PHF3: variants seen among roughly 807,000 people sequenced by gnomAD.
The protein encoded by PHF3 is PHD finger protein 3.
PHF3 carries 41 observed loss-of-function variants against 178.4 expected under a neutral mutation model. The observed-to-expected ratio is 0.23, with a 90% CI of 0.18 to 0.30. The LOEUF (loss-of-function observed/expected upper bound fraction) is 0.30. Ranked by LOEUF, PHF3 falls within the 10% of genes least tolerant of loss-of-function variation. The pLI is 1.00. For missense variants in PHF3, 2,346 were observed against 2,398.1 expected, an observed-to-expected ratio of 0.98 and a Z score of 0.45; for synonymous variants, 842 against 800.5, an observed-to-expected ratio of 1.05 and a Z score of -0.88.
At chr6:63,701,664 G>A (rs1767481173) in intron 9 of PHF3, among the ~76,000 whole-genome samples, 1 of 152,016 alleles carries the variant, frequency 6.6e-6, no homozygotes. Context: ...TCATCTAGAG[G>A]CCTTGATTTG....
intron 3 of PHF3, among the ~76,000 whole-genome samples, chr6:63,681,638 G>A (rs1305119474): frequency 1.3e-5 from 2 of 151,964 alleles, no homozygotes; most frequent in African/African-American, 4.8e-5. Context: ...TTCTATTCAT[G>A]TTTCATGGAT....
chr6:63,688,582 G>A (rs868417015), intron 4 of PHF3, among the ~76,000 whole-genome samples: 1 of 151,568 alleles, frequency 6.6e-6, no homozygotes, highest in Non-Finnish European at 1.5e-5. Flanking sequence ...TGATCCGCCC[G>A]CCTCAGCCTC....
chr6:63,712,657 A>G lies in PHF3; in HGVS notation c.5069A>G (p.His1690Arg). 2 of 1,613,966 alleles carry G rather than the reference A, an allele frequency of 1.2e-6. No homozygotes were observed. The highest frequency in any genetic ancestry group is 1.3e-5 in the African/African-American group (1 of 75,012). The change falls in exon 16 of 16, where the codon CAC (histidine) becomes CGC (arginine). Residue 1690 changes from histidine to arginine, a missense_variant. His to Arg is a conservative substitution (Grantham distance 29). This residue lies in a region of PHF3 where 839 missense variants were observed against 806.9 expected (regional missense o/e 1.04). Transcript: ENST00000262043. ...CCTGGCCTGTCACACAACAAGGAGC[A>G]CTTAACAGAACAAATCAATGTAGAG... The part of the protein sequence containing the change: ...MLPGLSHNKE[H>R]LTEQINVEEK...
At position 63,721,698 on chromosome 6, in the gene PHF3, A is replaced by G. The variant is rs1446306770; in HGVS notation, c.*7990A>G. On this transcript the variant is annotated 3_prime_UTR_variant, in exon 16 of 16. Transcript: ENST00000262043. ...TATTATATGCCAAGTACTTCCGTTT[A>G]TAGTTACTTTTTGGAGAGTTTCTAG... is the stretch of plus-strand genomic sequence containing the variant. 1.9e-6 allele frequency: 3 copies of G among 1,551,426 alleles called. No individual in the cohort carries two copies. Among genetic ancestry groups the G allele is most frequent in the East Asian group, 2.4e-5 (1 of 40,906 alleles).
chr6:63,685,087 A>G lies in PHF3; in HGVS notation c.1365A>G (p.Glu455=). ...DQNSKQLNAI[E]STKIESHETA... ...ATTCAAAACAGTTGAATGCTATAGAAAGTACTAAAATAGAGTCCCATGAAA... is the reference window on the plus strand; with the variant it reads ...ATTCAAAACAGTTGAATGCTATAGAGAGTACTAAAATAGAGTCCCATGAAA... The change falls in exon 4 of 16, where the codon GAA becomes GAG. Residue 455 remains glutamate, a synonymous_variant. Coordinates refer to ENST00000262043, the MANE Select transcript of PHF3 (RefSeq NM_001370348.2). 1 of 1,614,072 alleles carries G rather than the reference A, an allele frequency of 6.2e-7. No homozygotes were observed. Among genetic ancestry groups the G allele is most frequent in the Non-Finnish European group, 8.5e-7 (1 of 1,179,982 alleles).
In PHF3 at chr6:63,706,098, A is replaced by G. The variant is rs769292172; in HGVS notation, c.3437A>G (p.Lys1146Arg). Residue 1146 changes from lysine (K) to arginine (R), a missense_variant, in exon 12 of 16, where the codon AAA becomes AGA. Physicochemically the swap from Lys to Arg is conservative, Grantham distance 26. Around this residue, in one of 8 missense-constraint regions of PHF3, gnomAD observed 205 missense variants for 212.4 expected, o/e 0.97. Transcript: ENST00000262043. ...AAAGTTGTTGTAGGAGTAGCTCGCA[A>G]ACATTCAGACAATGAAGCAGAAAGT... ...KVKVVVGVAR[K>R]HSDNEAESIA... The G allele has an allele frequency of 1.2e-5, 19 of 1,613,890 alleles. No homozygotes were observed. The highest frequency in any genetic ancestry group is 1.1e-4 in the East Asian group (5 of 44,864).
chr6:63,645,865 A>G (rs561608915), intron 1 of PHF3, among the ~76,000 whole-genome samples: 1 of 152,192 alleles, frequency 6.6e-6, no homozygotes, highest in Admixed American at 6.5e-5. Flanking sequence ...TCTTGTTTTT[A>G]TCCTATAAGG....
rs182726824 is a variant in PHF3, at chr6:63,655,882, A to G, written c.244+9087A>G. On this transcript the variant is annotated intron_variant, in intron 2 of 15. Coordinates refer to ENST00000262043, the MANE Select transcript of PHF3 (RefSeq NM_001370348.2). ...GGTCTTGAACTCCTGGGCTCAAGCC[A>G]TTCTGCCGCCTTGTCCTCTCAAAGT... Among the ~76,000 whole-genome samples the G allele has an allele frequency of 6.4e-3, 972 of 152,264 alleles. 9 individuals carry two copies. The highest frequency in any genetic ancestry group is 0.022 in the African/African-American group (896 of 41,544).
chr6:63,663,455 C>G (rs552806386), intron 2 of PHF3, among the ~76,000 whole-genome samples: 5 of 152,138 alleles, frequency 3.3e-5, no homozygotes, highest in African/African-American at 1.2e-4. Context: ...CTAGATTTCT[C>G]CAAATCATAG....
chr6:63,702,469 T>C (rs1767515617), intron 9 of PHF3, 39 bp from the exon 10 acceptor site: 2 of 1,372,866 alleles, frequency 1.5e-6, no homozygotes, highest in African/African-American at 1.5e-5. Flanking sequence ...GAAATACATA[T>C]TTTAAATTTA....
At chr6:63,691,648 G>A (rs2149591442) in intron 4 of PHF3, 89 bp from the exon 5 acceptor site, 1 of 1,104,590 alleles carries the variant, frequency 9.1e-7, no homozygotes. Context: ...CAGAAAATCA[G>A]ATATTGAAAA....
intron 2 of PHF3, among the ~76,000 whole-genome samples, chr6:63,679,314 C>G (rs1766322240): frequency 6.6e-6 from 1 of 152,034 alleles, no homozygotes; most frequent in Non-Finnish European, 1.5e-5. Context: ...TTTTTACATT[C>G]TTTCTCCACC....
At chr6:63,670,863 C>T (rs1298494919) in intron 2 of PHF3, among the ~76,000 whole-genome samples, 2 of 152,064 alleles carry the variant, frequency 1.3e-5, no homozygotes, top group African/African-American at 4.8e-5. Flanking sequence ...ATAGTCTTTT[C>T]CTGGGCTACT....
Position 63,713,044 on chromosome 6 carries a change from G to C in PHF3, c.5456G>C (p.Gly1819Ala). Reference sequence around the variant, plus strand: ...AGCCCACCTGGATTTCCATTTCCAGGGCCTCCTAATTTTCCCCCACAAAGC... The same window carrying C: ...AGCCCACCTGGATTTCCATTTCCAGCGCCTCCTAATTTTCCCCCACAAAGC... ...KSSPPGFPFP[G>A]PPNFPPQSMF... The change falls in exon 16 of 16, where the codon GGG becomes GCG. Residue 1819 changes from glycine (G) to alanine (A), a missense_variant. Physicochemically the swap from Gly to Ala is moderately conservative, Grantham distance 60. Coordinates refer to ENST00000262043, the MANE Select transcript of PHF3 (RefSeq NM_001370348.2). The C allele has an allele frequency of 6.2e-7, 1 of 1,613,794 alleles. No individual in the cohort carries two copies. Among genetic ancestry groups the C allele is most frequent in the South Asian group, 1.1e-5 (1 of 91,060 alleles).
chr6:63,684,565 T>C lies in PHF3; in HGVS notation c.843T>C (p.Val281=). The C allele has an allele frequency of 1.9e-6, 3 of 1,614,022 alleles. No individual in the cohort carries two copies. Among genetic ancestry groups the C allele is most frequent in the Non-Finnish European group, 2.5e-6 (3 of 1,179,922 alleles). The change falls in exon 4 of 16, where the codon GTT becomes GTC. Residue 281 remains valine (V), a synonymous_variant. Coordinates refer to ENST00000262043, the MANE Select transcript of PHF3 (RefSeq NM_001370348.2). ...TGATGGAATGTAAAGCCAAGCCTGT[T>C]GGTAGTCCATTGTTTAAGTTTTCAG... is the stretch of plus-strand genomic sequence containing the variant. ...EALMECKAKP[V]GSPLFKFSDK...
intron 2 of PHF3, 135 bp downstream of exon 2, chr6:63,646,930 C>A: frequency 1.4e-5 from 8 of 559,106 alleles, no homozygotes; most frequent in Non-Finnish European, 2.1e-5. Flanking sequence ...AGGGTTATTT[C>A]CTTTGAATTT....
At chr6:63,692,223 A>C (rs569825217) in intron 5 of PHF3, among the ~76,000 whole-genome samples, 180 bp downstream of exon 5, 1 of 152,204 alleles carries the variant, frequency 6.6e-6, no homozygotes, top group Non-Finnish European at 1.5e-5. Flanking sequence ...GTGAAATCAG[A>C]TGGTGACTTT....
intron 3 of PHF3, among the ~76,000 whole-genome samples, 194 bp from the exon 4 acceptor site, chr6:63,683,935 T>C (rs1582070457): frequency 6.6e-6 from 1 of 152,190 alleles, no homozygotes; most frequent in East Asian, 1.9e-4. Context: ...CTTTGATAAA[T>C]ATAAAATTTG....
rs1331963027 is a variant in PHF3, at chr6:63,636,064, CG to C, written c.-109del. On this transcript the variant is annotated 5_prime_UTR_variant, in exon 1 of 16. Coordinates refer to ENST00000262043, the MANE Select transcript of PHF3 (RefSeq NM_001370348.2). ...CGTACCCCCTCTCCGCGGCACCCAC[CG>C]GGCCCCCTCCTCCTCCTCTTCGGCG... is the stretch of plus-strand genomic sequence containing the variant. The C allele has an allele frequency of 3.1e-5, 12 of 393,242 alleles. No homozygotes were observed. The highest frequency in any genetic ancestry group is 5.4e-5 in the Non-Finnish European group (12 of 223,006). 24.4% of individuals were successfully genotyped at this position (393,242 alleles called of 1,614,324 possible).
Sources: gnomAD v4.1 joint callset for allele counts (sites outside exome capture counted in the v4.1 genomes callset) on GRCh38, gnomAD v4.1.1 for gene constraint, gnomAD v4.1.1 regional missense constraint, MANE v1.5 for transcripts, NCBI Gene and HGNC (gene_info 2026-07-23, HGNC 2026-07-21) for gene names.